The following TRABD2B variants were observed in gnomAD, a reference collection of about 807,000 sequenced individuals.
TRABD2B encodes TraB domain containing 2B.
In TRABD2B, 14 loss-of-function variants were observed where a neutral mutation model predicts 40.1. That is an observed-to-expected ratio of 0.35 (90% CI 0.23 to 0.55). The LOEUF (loss-of-function observed/expected upper bound fraction) is 0.55, where lower values mean the gene tolerates loss of function less well. Among genes scored for constraint, TRABD2B ranks in the 20% least tolerant of loss-of-function variants. TRABD2B has a pLI of 0.90. For missense variants in TRABD2B, 541 were observed against 648.6 expected (o/e 0.83, Z 1.80); for synonymous variants, 263 against 277.0 (o/e 0.95, Z 0.50).
chr1:47,875,732 A>G (rs1184339355), intron 2 of TRABD2B, among the ~76,000 whole-genome samples: 1 of 133,438 alleles, frequency 7.5e-6, no homozygotes, highest in Non-Finnish European at 1.5e-5. Flanking sequence ...AAGAAAGAGC[A>G]GAAAAGAAAA....
At chr1:47,938,297 G>C (rs1450191978) in intron 2 of TRABD2B, among the ~76,000 whole-genome samples, 1 of 152,260 alleles carries the variant, frequency 6.6e-6, no homozygotes, top group Non-Finnish European at 1.5e-5. Flanking sequence ...CCAAGCAAGA[G>C]TAAACTCAGG....
chr1:47,964,013 TC>T (rs983123194), intron 2 of TRABD2B, among the ~76,000 whole-genome samples: 6 of 152,090 alleles, frequency 3.9e-5, no homozygotes, highest in African/African-American at 1.4e-4. Flanking sequence ...CCATCTGAGG[TC>T]CCCTTTGCAG....
chr1:47,973,851 C>T (rs1336026423), intron 2 of TRABD2B, among the ~76,000 whole-genome samples: 1 of 152,200 alleles, frequency 6.6e-6, no homozygotes, highest in East Asian at 1.9e-4. Flanking sequence ...CACCTATAAT[C>T]CCAGCACTTT....
intron 2 of TRABD2B, among the ~76,000 whole-genome samples, chr1:47,928,093 T>C (rs1644993567): frequency 6.6e-6 from 1 of 152,186 alleles, no homozygotes; most frequent in Non-Finnish European, 1.5e-5. Context: ...TTGAGAAGTA[T>C]TGTTCTAGTC....
chr1:47,872,838 G>C (rs982600160), intron 2 of TRABD2B, among the ~76,000 whole-genome samples: 2 of 152,114 alleles, frequency 1.3e-5, no homozygotes, highest in African/African-American at 4.8e-5. Flanking sequence ...GCTACCTGTG[G>C]GGCCCTCAGG....
chr1:47,774,588 C>T (rs1216511884), intron 6 of TRABD2B, among the ~76,000 whole-genome samples: 1 of 152,150 alleles, frequency 6.6e-6, no homozygotes, highest in Non-Finnish European at 1.5e-5. Context: ...AGGAAGAGGA[C>T]AGAAGGGTCT....
At chr1:47,863,260 G>A (rs1473192893) in intron 2 of TRABD2B, among the ~76,000 whole-genome samples, 1 of 149,694 alleles carries the variant, frequency 6.7e-6, no homozygotes, top group Non-Finnish European at 1.5e-5. Context: ...ATACTGCCAA[G>A]AGAATGAAAA....
At chr1:47,832,074 T>C (rs1645257174) in intron 2 of TRABD2B, among the ~76,000 whole-genome samples, 1 of 152,194 alleles carries the variant, frequency 6.6e-6, no homozygotes, top group Admixed American at 6.5e-5. Context: ...GGCTCATGCC[T>C]GTAATCCCAG....
At chr1:47,766,260 G>A (rs1294879244) in intron 6 of TRABD2B, among the ~76,000 whole-genome samples, 154 bp from the exon 7 acceptor site, 1 of 152,178 alleles carries the variant, frequency 6.6e-6, no homozygotes, top group African/African-American at 2.4e-5. Context: ...GCAGCCCAGA[G>A]CCACACAACC....
At chr1:47,776,965 T>C (rs1437642361) in intron 5 of TRABD2B, among the ~76,000 whole-genome samples, 1 of 152,190 alleles carries the variant, frequency 6.6e-6, no homozygotes, top group Non-Finnish European at 1.5e-5. Flanking sequence ...CTTTTATTGT[T>C]GGAGCCTCCT....
chr1:47,940,358 C>T (rs996600738), intron 2 of TRABD2B, among the ~76,000 whole-genome samples: 2 of 152,232 alleles, frequency 1.3e-5, no homozygotes, highest in African/African-American at 4.8e-5. Flanking sequence ...ATCTCAAAAA[C>T]AAGTCACTGT....
At chr1:47,860,968 A>T (rs948281108) in intron 2 of TRABD2B, among the ~76,000 whole-genome samples, 1 of 152,146 alleles carries the variant, frequency 6.6e-6, no homozygotes, top group African/African-American at 2.4e-5. Context: ...AGTCTCAAAT[A>T]TCCTGTCTAA....
rs192527900 is a variant in TRABD2B at position 47,893,382 on chromosome 1, C to T, written c.667-91763G>A. Among the ~76,000 whole-genome samples the T allele has an allele frequency of 1.2e-3, 190 of 152,244 alleles. 1 individual carries two copies. The highest frequency in any genetic ancestry group is 3.7e-3 in the Admixed American group (56 of 15,300). On this transcript the variant is annotated intron_variant, in intron 2 of 6. Transcript: ENST00000606738. Reference sequence around the variant, plus strand: ...AGTGGCCAGTATGTGGAAAGAACATCCTTTGAGATCAGACTTAAGTAGAAA... The same window carrying T: ...AGTGGCCAGTATGTGGAAAGAACATTCTTTGAGATCAGACTTAAGTAGAAA...
chr1:47,978,359 T>C (rs1181997905), intron 2 of TRABD2B, among the ~76,000 whole-genome samples: 4 of 152,226 alleles, frequency 2.6e-5, no homozygotes, highest in Admixed American at 6.5e-5. Flanking sequence ...AACTAGCTTA[T>C]GGTATTTCGT....
chr1:47,796,785 T>C (rs1413249232), intron 3 of TRABD2B, among the ~76,000 whole-genome samples: 1 of 152,194 alleles, frequency 6.6e-6, no homozygotes, highest in Non-Finnish European at 1.5e-5. Flanking sequence ...CTTACTTCCC[T>C]ACATACCCCC....
At chr1:47,846,026 A>G (rs563550981) in intron 2 of TRABD2B, among the ~76,000 whole-genome samples, 10 of 152,314 alleles carry the variant, frequency 6.6e-5, no homozygotes, top group Non-Finnish European at 1.5e-5. Flanking sequence ...ATAAATTTGC[A>G]AAGGGGGTCT....
intron 6 of TRABD2B, among the ~76,000 whole-genome samples, chr1:47,772,009 G>A (rs891815604): frequency 2.6e-5 from 4 of 152,066 alleles, no homozygotes; most frequent in Admixed American, 2.0e-4. Context: ...GTGAGGACTC[G>A]CAGTCTGTGC....
intron 2 of TRABD2B, among the ~76,000 whole-genome samples, chr1:47,893,235 T>C (rs1644473662): frequency 6.6e-6 from 1 of 151,430 alleles, no homozygotes; most frequent in African/African-American, 2.4e-5. Context: ...TTTTCAAATA[T>C]CTAAAAAAAA....
At chr1:47,907,077 T>C (rs975015579) in intron 2 of TRABD2B, among the ~76,000 whole-genome samples, 4 of 152,082 alleles carry the variant, frequency 2.6e-5, no homozygotes, top group Non-Finnish European at 4.4e-5. Context: ...GGGAAGGAAG[T>C]GGGGAGTCTG....
Sources: allele counts gnomAD v4.1 joint callset (sites outside exome capture counted in the v4.1 genomes callset), GRCh38; gene constraint gnomAD v4.1.1; transcripts MANE v1.5; gene names NCBI Gene and HGNC (gene_info 2026-07-23, HGNC 2026-07-21).